The following DCAF8L2 variants were observed in gnomAD, a reference collection of about 807,000 sequenced individuals.
DCAF8L2 encodes DDB1 and CUL4 associated factor 8 like 2, also known as DDB1- and CUL4-associated factor 8-like protein 2.
For synonymous variants in DCAF8L2, 200 were observed against 190.9 expected (o/e 1.05, Z -0.39); for missense variants, 430 against 490.7 (o/e 0.88, Z 1.17).
At chrX:27,476,811 C>CT in the DCAF8L2 span, among the ~76,000 whole-genome samples, 4 of 112,051 alleles carry the variant, frequency 3.6e-5, no homozygotes, top group Admixed American at 1.9e-4. Context: ...ATCTGTGCTA[C>CT]TTTTTTTCTT....
At chrX:27,617,151 T>G (rs950561262) in intron 1 of DCAF8L2, among the ~76,000 whole-genome samples, 1 of 111,668 alleles carries the variant, frequency 9.0e-6, no homozygotes, top group South Asian at 3.7e-4. Flanking sequence ...TGGGGCTTCA[T>G]GAACTCCTCA....
chrX:27,529,313 T>G, the DCAF8L2 span, among the ~76,000 whole-genome samples: 2 of 111,031 alleles, frequency 1.8e-5, no homozygotes, highest in African/African-American at 6.6e-5. Flanking sequence ...TTCAAGACAG[T>G]GAAGGGCTAA....
chrX:27,518,997 G>C, the DCAF8L2 span: 1 of 733,639 alleles, frequency 1.4e-6, no homozygotes, highest in Non-Finnish European at 2.2e-6. Context: ...AGGGGATTTT[G>C]GCCTTATGTA....
At chrX:27,642,120 C>T (rs1928757194) in intron 2 of DCAF8L2, among the ~76,000 whole-genome samples, 1 of 108,993 alleles carries the variant, frequency 9.2e-6, no homozygotes, top group African/African-American at 3.3e-5. Flanking sequence ...GTCTCAATCT[C>T]CTGACCTCGT....
the DCAF8L2 span, among the ~76,000 whole-genome samples, chrX:27,482,257 T>C: frequency 9.0e-6 from 1 of 111,501 alleles, no homozygotes; most frequent in Non-Finnish European, 1.9e-5. Context: ...TGGTGGTAAA[T>C]GTGGTCCTAT....
chrX:27,548,448 G>T, the DCAF8L2 span, among the ~76,000 whole-genome samples: 1 of 111,606 alleles, frequency 9.0e-6, no homozygotes, highest in Non-Finnish European at 1.9e-5. Context: ...AAATAGAAGA[G>T]AGAAATAGCT....
chrX:27,514,223 C>A, the DCAF8L2 span, among the ~76,000 whole-genome samples: 3 of 108,264 alleles, frequency 2.8e-5, no homozygotes, highest in Admixed American at 9.8e-5. Context: ...TGCTATGTAC[C>A]TATATGTGTG....
At chrX:27,615,553 AATCT>A (rs1207535494) in intron 1 of DCAF8L2, among the ~76,000 whole-genome samples, 1 of 81,044 alleles carries the variant, frequency 1.2e-5, no homozygotes, top group Non-Finnish European at 2.1e-5. Flanking sequence ...CTATCTATCT[AATCT>A]ATCTATCTAT....
In DCAF8L2 at chrX:27,660,042, T is replaced by C. The variant is rs371311281; in HGVS notation, c.-219-17794T>C. 1.3e-4 allele frequency among the ~76,000 whole-genome samples: 14 copies of C among 111,835 alleles called. No individual in the cohort carries two copies. In the East Asian group the frequency reaches 3.4e-3, roughly 27 times the overall value. On this transcript the variant is annotated intron_variant, in intron 2 of 4. Transcript: ENST00000451261. ...TATGTTATTTGTTTGTTTGTTTTGA[T>C]ACAGAGTTTCGCTCTTGTTGCTCAG... is the stretch of plus-strand genomic sequence containing the variant.
intron 4 of DCAF8L2, among the ~76,000 whole-genome samples, chrX:27,728,800 T>G (rs1256934836): frequency 8.9e-6 from 1 of 112,184 alleles, no homozygotes; most frequent in Non-Finnish European, 1.9e-5. Flanking sequence ...TTTAAAAAAT[T>G]GCAACAAACA....
At chrX:27,559,143 C>T in the DCAF8L2 span, among the ~76,000 whole-genome samples, 6 of 110,776 alleles carry the variant, frequency 5.4e-5, no homozygotes, top group Middle Eastern at 4.6e-3. Context: ...CATAGAACTG[C>T]GAGTCAATTA....
intron 4 of DCAF8L2, among the ~76,000 whole-genome samples, chrX:27,734,222 A>G (rs772765763): frequency 1.1e-3 from 124 of 111,581 alleles, no homozygotes; most frequent in African/African-American, 3.7e-3. Flanking sequence ...AACCCCATCT[A>G]AACCAGAAAG....
chrX:27,476,369 AT>A, the DCAF8L2 span, among the ~76,000 whole-genome samples: 4 of 111,663 alleles, frequency 3.6e-5, no homozygotes, highest in Non-Finnish European at 5.6e-5. Context: ...CAAGAAATAT[AT>A]AAAGGTTTTA....
At chrX:27,550,045 T>A in the DCAF8L2 span, among the ~76,000 whole-genome samples, 1 of 112,063 alleles carries the variant, frequency 8.9e-6, no homozygotes, top group East Asian at 2.8e-4. Context: ...GATGCCCTTA[T>A]TCCTCACAAA....
chrX:27,493,706 CAAAAAAAAAAAAAAAAAGAAA>C, the DCAF8L2 span, among the ~76,000 whole-genome samples: 1 of 18,395 alleles, frequency 5.4e-5, no homozygotes, highest in Non-Finnish European at 1.3e-4. Context: ...AACTCCATCT[CAAAAAAAAAAAAAAAAAGAAA>C]AAAAAAAAGA....
At chrX:27,631,741 T>A (rs977539009) in intron 1 of DCAF8L2, 138 bp from the exon 2 acceptor site, 5 of 112,271 alleles carry the variant, frequency 4.5e-5, no homozygotes, top group African/African-American at 1.3e-4. Context: ...AGCTGACTTA[T>A]CCCTACAGTG....
chrX:27,587,982 AAAAATATAT>A (rs1340908169), upstream of DCAF8L2, among the ~76,000 whole-genome samples: 23 of 33,132 alleles, frequency 6.9e-4, 1 homozygote, highest in East Asian at 5.9e-3. Context: ...CATTAAAAAA[AAAAATATAT>A]ATATATATAT....
At chrX:27,709,004 C>T (rs945497740) in intron 3 of DCAF8L2, among the ~76,000 whole-genome samples, 4 of 112,401 alleles carry the variant, frequency 3.6e-5, no homozygotes, top group African/African-American at 1.3e-4. Flanking sequence ...ACCACAACCT[C>T]GGCCTCCCAG....
At chrX:27,547,829 CTCTCTCTCTCTCTCTT>C in the DCAF8L2 span, among the ~76,000 whole-genome samples, 5 of 95,983 alleles carry the variant, frequency 5.2e-5, no homozygotes, top group Non-Finnish European at 1.0e-4. Context: ...TGCTCTCTCT[CTCTCTCTCTCTCTCTT>C]TCTCTCTCTC....
Sources: allele counts gnomAD v4.1 joint callset (sites outside exome capture counted in the v4.1 genomes callset), GRCh38; gene constraint gnomAD v4.1.1; transcripts MANE v1.5; gene names NCBI Gene and HGNC (gene_info 2026-07-23, HGNC 2026-07-21).